ATP10A: variants seen among roughly 807,000 people sequenced by gnomAD.
The protein encoded by ATP10A is phospholipid-transporting ATPase VA.
Under a neutral mutation model 147.8 loss-of-function variants are expected in ATP10A, and 111 were observed. The observed-to-expected ratio is 0.75, with a 90% CI of 0.64 to 0.88. The LOEUF (loss-of-function observed/expected upper bound fraction) is 0.88. Among genes scored for constraint, ATP10A ranks in the 40% least tolerant of loss-of-function variants. ATP10A has a pLI of 0.00. For missense variants in ATP10A, 1,927 were observed against 1,959.0 expected, an observed-to-expected ratio of 0.98 and a Z score of 0.31; for synonymous variants, 875 against 841.6, an observed-to-expected ratio of 1.04 and a Z score of -0.69.
intron 1 of ATP10A, among the ~76,000 whole-genome samples, chr15:25,838,582 A>G (rs1420267813): frequency 1.3e-5 from 2 of 152,140 alleles, no homozygotes; most frequent in African/African-American, 2.4e-5. Context: ...TCCATCCTAG[A>G]ATCATATTTT....
intron 1 of ATP10A, among the ~76,000 whole-genome samples, chr15:25,825,514 C>T (rs1376621385): frequency 4.6e-5 from 7 of 152,094 alleles, no homozygotes; most frequent in African/African-American, 1.4e-4. Flanking sequence ...GAGGTAACCA[C>T]CTGGCTCAGA....
In ATP10A at chr15:25,714,028, C is replaced by G; in HGVS notation, c.1990G>C (p.Ala664Pro). The G allele has an allele frequency of 6.2e-7, 1 of 1,610,940 alleles. No individual in the cohort carries two copies. The highest frequency in any genetic ancestry group is 8.5e-7 in the Non-Finnish European group (1 of 1,179,880). ...LEERLGQPTS[A>P]IASNGYSSQA... ...CTGCTGTAGCCGTTGCTGGCGATGG[C>G]CGAGGTGGGCTGGCCCAGCCTCTCC... The change falls in exon 10 of 21, where the codon GCC (alanine) becomes CCC (proline). Residue 664 changes from alanine (A) to proline (P), a missense_variant. Transcript: ENST00000555815.
chr15:25,756,161 C>T (rs778283018), intron 2 of ATP10A, among the ~76,000 whole-genome samples: 1 of 152,154 alleles, frequency 6.6e-6, no homozygotes, highest in Non-Finnish European at 1.5e-5. Flanking sequence ...TCCTAGCTAG[C>T]AATTGTTTAG....
intron 1 of ATP10A, among the ~76,000 whole-genome samples, chr15:25,792,407 C>G (rs1436191900): frequency 1.3e-5 from 2 of 152,222 alleles, no homozygotes; most frequent in Non-Finnish European, 2.9e-5. Flanking sequence ...CCTGCCCCAG[C>G]CAGTCTGAGG....
rs943658266 is a variant in ATP10A at position 25,767,156 on chromosome 15, C to T, written c.654+13863G>A. Among the ~76,000 whole-genome samples the T allele has an allele frequency of 3.9e-5, 6 of 152,198 alleles. No individual in the cohort carries two copies. The East Asian group carries it at 5.8e-4, about 15-fold the overall frequency. Reference sequence around the variant, plus strand: ...CATGGTATTCACAGGTGACACTCACCGCTGCAGGCCTTTCAGCCTGAGAGT... The same window carrying T: ...CATGGTATTCACAGGTGACACTCACTGCTGCAGGCCTTTCAGCCTGAGAGT... On this transcript the variant is annotated intron_variant, in intron 2 of 20. Coordinates refer to ENST00000555815, the MANE Select transcript of ATP10A (RefSeq NM_024490.4).
intron 2 of ATP10A, among the ~76,000 whole-genome samples, chr15:25,763,232 C>T (rs1888853043): frequency 6.6e-6 from 1 of 152,156 alleles, no homozygotes; most frequent in South Asian, 2.1e-4. Context: ...ATTTTACGTG[C>T]CTAAATTGCT....
chr15:25,693,769 C>G (rs77146951), intron 14 of ATP10A, among the ~76,000 whole-genome samples: 4 of 152,186 alleles, frequency 2.6e-5, no homozygotes, highest in Non-Finnish European at 4.4e-5. Context: ...GTGTGTAGGG[C>G]AGGGTCCCCA....
chr15:25,823,147 C>T (rs1317937085), intron 1 of ATP10A, among the ~76,000 whole-genome samples: 1 of 152,040 alleles, frequency 6.6e-6, no homozygotes, highest in African/African-American at 2.4e-5. Context: ...TTGGAAAGCA[C>T]ACAGTGTTTT....
At chr15:25,782,818 T>C (rs1038794222) in intron 1 of ATP10A, among the ~76,000 whole-genome samples, 3 of 152,088 alleles carry the variant, frequency 2.0e-5, no homozygotes, top group Admixed American at 2.0e-4. Flanking sequence ...CATAAATTTA[T>C]CTGAACAAGG....
At chr15:25,743,604 G>A (rs747394283) in intron 2 of ATP10A, among the ~76,000 whole-genome samples, 1 of 152,156 alleles carries the variant, frequency 6.6e-6, no homozygotes, top group Non-Finnish European at 1.5e-5. Flanking sequence ...GTTGGTGCTC[G>A]GGGCCTATAT....
chr15:25,691,655 G>A (rs1231838757), intron 15 of ATP10A, 60 bp downstream of exon 15: 3 of 1,559,490 alleles, frequency 1.9e-6, no homozygotes, highest in South Asian at 1.1e-5. Flanking sequence ...CCCACAGGGT[G>A]ACAGGACAAG....
chr15:25,795,861 G>T lies in ATP10A; in HGVS notation c.450-14638C>A, dbSNP rs184586725. On this transcript the variant is annotated intron_variant, in intron 1 of 20. Coordinates refer to ENST00000555815, the MANE Select transcript of ATP10A (RefSeq NM_024490.4). ...ACATGGATAGATGATTGCCCTGGGG[G>T]TGTAGGGGATGTGCGAGAGTTCTGG... is the stretch of plus-strand genomic sequence containing the variant. Among the ~76,000 whole-genome samples, 118 of 152,206 alleles carry T rather than the reference G, an allele frequency of 7.8e-4. 1 individual carries two copies. The East Asian group carries it at 0.021, about 27-fold the overall frequency.
upstream of ATP10A, among the ~76,000 whole-genome samples, chr15:25,864,123 T>C (rs969227471): frequency 5.3e-5 from 8 of 150,768 alleles, no homozygotes; most frequent in African/African-American, 2.0e-4. Context: ...GCGAGGATGG[T>C]TGTGGGGAGG....
At chr15:25,752,629 T>C (rs1214930504) in intron 2 of ATP10A, among the ~76,000 whole-genome samples, 1 of 152,220 alleles carries the variant, frequency 6.6e-6, no homozygotes, top group African/African-American at 2.4e-5. Flanking sequence ...TCTTTCAAGA[T>C]TGTTTTGGCT....
intron 15 of ATP10A, among the ~76,000 whole-genome samples, chr15:25,689,214 T>C (rs181169840): frequency 6.4e-4 from 98 of 152,368 alleles, no homozygotes; most frequent in Admixed American, 1.4e-3. Flanking sequence ...TCCGTCAAAG[T>C]GGCCTTTCCA....
chr15:25,757,743 A>G (rs1888502957), intron 2 of ATP10A, among the ~76,000 whole-genome samples: 1 of 152,232 alleles, frequency 6.6e-6, no homozygotes, highest in Non-Finnish European at 1.5e-5. Flanking sequence ...TTTTCAAAGA[A>G]TTAATGTCAG....
intron 1 of ATP10A, among the ~76,000 whole-genome samples, chr15:25,810,727 G>T (rs972954368): frequency 6.6e-6 from 1 of 152,108 alleles, no homozygotes; most frequent in African/African-American, 2.4e-5. Context: ...GGCTGCCCAG[G>T]TTCTAAAAGT....
chr15:25,730,552 C>T (rs1327400573), intron 3 of ATP10A, among the ~76,000 whole-genome samples: 1 of 152,116 alleles, frequency 6.6e-6, no homozygotes. Context: ...CCCGATGCGT[C>T]CCCTACACCC....
intron 2 of ATP10A, among the ~76,000 whole-genome samples, chr15:25,745,290 C>T (rs974691152): frequency 6.6e-6 from 1 of 151,726 alleles, no homozygotes; most frequent in Non-Finnish European, 1.5e-5. Flanking sequence ...GAGGCGGAGG[C>T]TGCAGTAAGC....
Sources: gnomAD v4.1 joint callset for allele counts (sites outside exome capture counted in the v4.1 genomes callset) on GRCh38, gnomAD v4.1.1 for gene constraint, MANE v1.5 for transcripts, NCBI Gene and HGNC (gene_info 2026-07-23, HGNC 2026-07-21) for gene names.